NELL1: variants seen among roughly 807,000 people sequenced by gnomAD.
NELL1 encodes the protein protein kinase C-binding protein NELL1.
NELL1 carries 76 observed loss-of-function variants against 107.4 expected under a neutral mutation model. The ratio of observed to expected loss-of-function variants is 0.71; its 90% CI spans 0.59 to 0.86. The LOEUF (loss-of-function observed/expected upper bound fraction) is 0.86, where lower values mean the gene tolerates loss of function less well. NELL1 is among the 40% of genes least tolerant of loss of function. NELL1 has a pLI of 0.00. For missense variants in NELL1, 1,024 were observed against 1,005.5 expected (o/e 1.02, Z -0.25); for synonymous variants, 353 against 341.2 (o/e 1.03, Z -0.38).
Position 21,035,955 on chromosome 11 carries a change from T to G in NELL1, c.1300+75395T>G, listed in dbSNP as rs184222006. Among the ~76,000 whole-genome samples the G allele has an allele frequency of 3.3e-5, 5 of 152,254 alleles. No individual in the cohort carries two copies. The East Asian group carries it at 9.7e-4, about 29-fold the overall frequency. ...GGGAGGAAGTCAAACTATCCTTGTT[T>G]GCAGACTACATGATCTTGTAAGTAG... On this transcript the variant is annotated intron_variant, in intron 12 of 19. Transcript: ENST00000357134.
intron 15 of NELL1, among the ~76,000 whole-genome samples, chr11:21,437,430 G>A (rs927138639): frequency 4.6e-5 from 7 of 152,110 alleles, no homozygotes; most frequent in African/African-American, 1.4e-4. Flanking sequence ...TGCGATCTCG[G>A]CTCACCGCAA....
At chr11:20,703,772 A>C (rs572193076) in intron 2 of NELL1, among the ~76,000 whole-genome samples, 76 of 152,328 alleles carry the variant, frequency 5.0e-4, no homozygotes, top group African/African-American at 1.6e-3. Context: ...CCCGAAAGTC[A>C]TTCAGGAGCA....
chr11:20,949,109 G>T (rs1851023363), intron 11 of NELL1, among the ~76,000 whole-genome samples: 1 of 152,312 alleles, frequency 6.6e-6, no homozygotes, highest in South Asian at 2.1e-4. Flanking sequence ...ATATAAATGG[G>T]TGTGACCATG....
chr11:21,321,171 T>C lies in NELL1; in HGVS notation c.1550-49682T>C, dbSNP rs1402983913. On this transcript the variant is annotated intron_variant, in intron 14 of 19. Coordinates refer to ENST00000357134, the MANE Select transcript of NELL1 (RefSeq NM_006157.5). Reference sequence around the variant, plus strand: ...CTCTGAAAATGCACCTTTGGTGCTGTACATGAGCAATGGGATGCTGTCTCC... The same window carrying C: ...CTCTGAAAATGCACCTTTGGTGCTGCACATGAGCAATGGGATGCTGTCTCC... Among the ~76,000 whole-genome samples, 4 of 152,362 alleles carry C rather than the reference T, an allele frequency of 2.6e-5. No individual in the cohort carries two copies. The East Asian group carries it at 7.7e-4, about 29-fold the overall frequency.
chr11:21,537,737 T>C (rs1451071095), intron 16 of NELL1, among the ~76,000 whole-genome samples: 1 of 152,164 alleles, frequency 6.6e-6, no homozygotes, highest in African/African-American at 2.4e-5. Flanking sequence ...AATGCATGTA[T>C]GTCAAATGAT....
intron 13 of NELL1, among the ~76,000 whole-genome samples, chr11:21,186,406 G>A (rs1245947748): frequency 6.6e-6 from 1 of 151,812 alleles, no homozygotes; most frequent in Non-Finnish European, 1.5e-5. Flanking sequence ...CTATCTACTT[G>A]TTTTTACCCA....
intron 2 of NELL1, among the ~76,000 whole-genome samples, chr11:20,692,158 A>C (rs1177675123): frequency 4.0e-5 from 6 of 150,342 alleles, no homozygotes; most frequent in South Asian, 2.1e-4. Flanking sequence ...TATTGTGTCT[A>C]TTTGATTCTT....
chr11:21,389,751 T>C (rs535253366), intron 15 of NELL1, among the ~76,000 whole-genome samples: 1 of 151,982 alleles, frequency 6.6e-6, no homozygotes, highest in East Asian at 2.0e-4. Context: ...GAATTGGTTG[T>C]AATTTGTTAT....
At chr11:21,544,186 A>G (rs1856370269) in intron 16 of NELL1, among the ~76,000 whole-genome samples, 1 of 151,984 alleles carries the variant, frequency 6.6e-6, no homozygotes, top group Non-Finnish European at 1.5e-5. Flanking sequence ...AAGGAGAAAA[A>G]TTAGAAAACT....
In NELL1 at chr11:20,695,845, A is replaced by G. The variant is rs1854600757; in HGVS notation, c.184+17785A>G. 2.0e-5 allele frequency among the ~76,000 whole-genome samples: 3 copies of G among 151,944 alleles called. No individual in the cohort carries two copies. In the South Asian group the frequency reaches 6.2e-4, roughly 31 times the overall value. On this transcript the variant is annotated intron_variant, in intron 2 of 19. Coordinates refer to ENST00000357134, the MANE Select transcript of NELL1 (RefSeq NM_006157.5). ...AATTTTTCACAATAGTTTCAGTGGA[A>G]TTGGTACCAGCTTTTCTTTGTACAT...
chr11:21,161,204 T>G (rs1467220325), intron 13 of NELL1, among the ~76,000 whole-genome samples: 1 of 152,182 alleles, frequency 6.6e-6, no homozygotes, highest in East Asian at 1.9e-4. Flanking sequence ...ATCTGGGCTA[T>G]TATTTATTTC....
intron 14 of NELL1, among the ~76,000 whole-genome samples, chr11:21,316,702 T>C (rs1019458150): frequency 1.3e-5 from 2 of 152,056 alleles, no homozygotes; most frequent in Non-Finnish European, 2.9e-5. Context: ...CAGATGTAAG[T>C]GGGGAAACTT....
chr11:21,260,611 G>T (rs1279601570), intron 14 of NELL1: 7 of 151,866 alleles, frequency 4.6e-5, no homozygotes, highest in Admixed American at 4.6e-4. Flanking sequence ...GTTTGAAGTT[G>T]CTGGAGAATT....
At chr11:20,887,350 G>T (rs1849530416) in intron 5 of NELL1, among the ~76,000 whole-genome samples, 1 of 152,158 alleles carries the variant, frequency 6.6e-6, no homozygotes, top group Non-Finnish European at 1.5e-5. Flanking sequence ...TTTCACTTAG[G>T]TAAGTGTGTA....
chr11:21,531,254 T>G (rs1564944358), intron 15 of NELL1, among the ~76,000 whole-genome samples: 1 of 152,184 alleles, frequency 6.6e-6, no homozygotes, highest in Non-Finnish European at 1.5e-5. Flanking sequence ...CATCCATTTT[T>G]GCATTGAACA....
At chr11:21,215,347 T>G (rs747053098) in intron 13 of NELL1, among the ~76,000 whole-genome samples, 1 of 152,206 alleles carries the variant, frequency 6.6e-6, no homozygotes, top group African/African-American at 2.4e-5. Context: ...TTCTTTCCTT[T>G]ATAAATTACC....
At chr11:20,940,500 C>G (rs570493635) in intron 10 of NELL1, among the ~76,000 whole-genome samples, 1 of 152,044 alleles carries the variant, frequency 6.6e-6, no homozygotes, top group Non-Finnish European at 1.5e-5. Flanking sequence ...CCACCTGCCT[C>G]GGCCTCCCAA....
In NELL1 at chr11:21,342,414, G is replaced by T. The variant is rs12787398; in HGVS notation, c.1550-28439G>T. Among the ~76,000 whole-genome samples the T allele has an allele frequency of 4.1e-5, 6 of 146,628 alleles. No individual in the cohort carries two copies. In the East Asian group the frequency reaches 6.4e-4, roughly 16 times the overall value. ...CCAGTGCTTTGAGAGGCTTAAGTGG[G>T]GGGGGGGGTCACTTGAGGCCAGGAG... On this transcript the variant is annotated intron_variant, in intron 14 of 19. Coordinates refer to ENST00000357134, the MANE Select transcript of NELL1 (RefSeq NM_006157.5).
intron 14 of NELL1, among the ~76,000 whole-genome samples, chr11:21,325,209 T>C (rs916708418): frequency 2.6e-5 from 4 of 152,138 alleles, no homozygotes; most frequent in African/African-American, 7.2e-5. Context: ...ATCTCTCTTA[T>C]ATCGTGTTTT....
Sources: gnomAD v4.1 joint callset for allele counts (sites outside exome capture counted in the v4.1 genomes callset) on GRCh38, gnomAD v4.1.1 for gene constraint, MANE v1.5 for transcripts, NCBI Gene and HGNC (gene_info 2026-07-23, HGNC 2026-07-21) for gene names.